The following CCDC32 variants were observed in gnomAD, a reference collection of about 807,000 sequenced individuals.
CCDC32 encodes coiled-coil domain-containing protein 32.
In CCDC32, 9 loss-of-function variants were observed where a neutral mutation model predicts 20.1. That is an observed-to-expected ratio of 0.45 (90% CI 0.27 to 0.78). The LOEUF (loss-of-function observed/expected upper bound fraction) is 0.78, where lower values mean the gene tolerates loss of function less well. CCDC32 is among the 30% of genes least tolerant of loss of function. The pLI is 0.16. For synonymous variants in CCDC32, 63 were observed against 79.0 expected (o/e 0.80, Z 1.07); for missense variants, 204 against 215.5 (o/e 0.95, Z 0.33).
At chr15:40,542,338 G>A (rs1341027263) in intron 3 of CCDC32, among the ~76,000 whole-genome samples, 2 of 152,102 alleles carry the variant, frequency 1.3e-5, no homozygotes, top group Non-Finnish European at 2.9e-5. Flanking sequence ...AAAGCCAACC[G>A]GGTCTCTCTT....
At chr15:40,522,085 AG>A in the CCDC32 span, among the ~76,000 whole-genome samples, 2 of 152,118 alleles carry the variant, frequency 1.3e-5, no homozygotes, top group Non-Finnish European at 2.9e-5. Context: ...GTTTCTCCAA[AG>A]TAATGCAGAT....
intron 1 of CCDC32, chr15:40,564,692 A>G: frequency 6.2e-7 from 1 of 1,605,306 alleles, no homozygotes. Context: ...TCCTGGGTGA[A>G]CTGATGTCTA....
chr15:40,527,441 G>A (rs1425508385), downstream of CCDC32, among the ~76,000 whole-genome samples: 1 of 152,342 alleles, frequency 6.6e-6, no homozygotes, highest in African/African-American at 2.4e-5. Flanking sequence ...AAGGTGCTGG[G>A]ATTACAGGCG....
downstream of CCDC32, chr15:40,534,711 C>G (rs1343821476): frequency 5.1e-6 from 3 of 586,760 alleles, no homozygotes; most frequent in East Asian, 5.7e-5. Context: ...AGAGAACTAG[C>G]TAGGTCTCTG....
At chr15:40,557,995 TA>T (rs969547539) in intron 2 of CCDC32, 1 of 152,258 alleles carries the variant, frequency 6.6e-6, no homozygotes, top group African/African-American at 2.4e-5. Context: ...TGGAGTCTAA[TA>T]AAAACAAATG....
chr15:40,551,726 G>A (rs1253640232), downstream of CCDC32, among the ~76,000 whole-genome samples: 1 of 146,838 alleles, frequency 6.8e-6, no homozygotes, highest in Admixed American at 7.2e-5. Context: ...AGGATCACCT[G>A]AGCCCAGGAG....
intron 3 of CCDC32, among the ~76,000 whole-genome samples, chr15:40,555,521 C>G (rs965543911): frequency 6.6e-6 from 1 of 152,108 alleles, no homozygotes; most frequent in African/African-American, 2.4e-5. Context: ...TTCAAATCTC[C>G]TATGTTTGGA....
chr15:40,557,551 T>G (rs1027020253), intron 2 of CCDC32, 179 bp from the exon 3 acceptor site: 4 of 574,008 alleles, frequency 7.0e-6, no homozygotes, highest in Non-Finnish European at 1.2e-5. Context: ...TCCTTTTTCC[T>G]TCACAAAGTC....
downstream of CCDC32, among the ~76,000 whole-genome samples, chr15:40,534,026 G>A (rs1889002546): frequency 6.6e-6 from 1 of 152,216 alleles, no homozygotes; most frequent in South Asian, 2.1e-4. Context: ...CAGTTCTTTT[G>A]TGAAGCATTA....
At chr15:40,541,259 A>G (rs1020436936) in intron 3 of CCDC32, among the ~76,000 whole-genome samples, 5 of 152,072 alleles carry the variant, frequency 3.3e-5, no homozygotes, top group Admixed American at 2.0e-4. Context: ...ACCTCAACCA[A>G]TGAAGGATGG....
chr15:40,526,756 T>C (rs915721646), downstream of CCDC32, among the ~76,000 whole-genome samples: 8 of 152,016 alleles, frequency 5.3e-5, no homozygotes, highest in Non-Finnish European at 1.0e-4. Context: ...CTACTAAAGA[T>C]ACAAAAATTA....
intron 2 of CCDC32, among the ~76,000 whole-genome samples, chr15:40,558,192 G>A (rs755790280): frequency 4.3e-4 from 65 of 152,156 alleles, no homozygotes; most frequent in Non-Finnish European, 7.6e-4. Flanking sequence ...GGTTAATGAT[G>A]GCATGGTGGG....
the CCDC32 span, among the ~76,000 whole-genome samples, chr15:40,521,376 A>G: frequency 6.6e-6 from 1 of 152,204 alleles, no homozygotes; most frequent in Non-Finnish European, 1.5e-5. Context: ...TGTAGCATGT[A>G]TCAGTACTTC....
chr15:40,528,611 G>A, downstream of CCDC32: 4 of 609,940 alleles, frequency 6.6e-6, 1 homozygote, highest in South Asian at 3.9e-5. Flanking sequence ...AAGACACCAG[G>A]TCTGGTAATG....
intron 3 of CCDC32, 80 bp downstream of exon 3, chr15:40,557,136 A>C: frequency 6.6e-7 from 1 of 1,511,834 alleles, no homozygotes; most frequent in South Asian, 1.4e-5. Context: ...TGTTCTTAAA[A>C]ATCTACTGCT....
At chr15:40,551,118 G>C (rs1039363577), downstream of CCDC32, among the ~76,000 whole-genome samples, 1 of 152,076 alleles carries the variant, frequency 6.6e-6, no homozygotes, top group Non-Finnish European at 1.5e-5. Context: ...CACGGTGGCT[G>C]ACGCCTGTAA....
chr15:40,539,024 A>T, downstream of CCDC32: 1 of 566,708 alleles, frequency 1.8e-6, no homozygotes, highest in Non-Finnish European at 3.2e-6. Flanking sequence ...GCTGGCTCTG[A>T]CTAAAGCCCT....
At chr15:40,543,458 T>C (rs1177718477) in intron 3 of CCDC32, among the ~76,000 whole-genome samples, 5 of 152,020 alleles carry the variant, frequency 3.3e-5, no homozygotes, top group Non-Finnish European at 7.4e-5. Context: ...TTGTTGTTGT[T>C]GTTGTTGTTT....
chr15:40,544,392 T>G (rs976401), intron 3 of CCDC32, among the ~76,000 whole-genome samples: 76,813 of 151,898 alleles, frequency 0.51, 20,661 homozygotes, highest in East Asian at 0.75. Context: ...TTTAAATTTT[T>G]TTTTTGTAGA....
Sources: gnomAD v4.1 joint callset for allele counts (sites outside exome capture counted in the v4.1 genomes callset) on GRCh38, gnomAD v4.1.1 for gene constraint, MANE v1.5 for transcripts, NCBI Gene and HGNC (gene_info 2026-07-23, HGNC 2026-07-21) for gene names.